The following MACROD2 variants were observed in gnomAD, a reference collection of about 807,000 sequenced individuals.
The protein encoded by MACROD2 is ADP-ribose glycohydrolase MACROD2.
A neutral mutation model predicts 70.4 loss-of-function variants in MACROD2; 36 were observed. That is an observed-to-expected ratio of 0.51 (90% CI 0.39 to 0.68). MACROD2 has a LOEUF of 0.68. MACROD2 is among the 30% of genes least tolerant of loss of function. The pLI, the probability that MACROD2 is intolerant of heterozygous loss-of-function variation, is 0.00. For synonymous variants in MACROD2, 172 were observed against 178.8 expected (o/e 0.96, Z 0.30); for missense variants, 496 against 538.4 (o/e 0.92, Z 0.78).
At chr20:14,442,570 A>G (rs963303156) in intron 3 of MACROD2, among the ~76,000 whole-genome samples, 1 of 152,104 alleles carries the variant, frequency 6.6e-6, no homozygotes, top group Non-Finnish European at 1.5e-5. Flanking sequence ...TTTCTTTTAA[A>G]CTAAAGTCTT....
chr20:14,371,336 A>C (rs1296773549), intron 3 of MACROD2, among the ~76,000 whole-genome samples: 6 of 151,972 alleles, frequency 3.9e-5, no homozygotes, highest in Non-Finnish European at 7.4e-5. Context: ...AATTTTTAAA[A>C]ATTAGCAGGA....
intron 6 of MACROD2, among the ~76,000 whole-genome samples, chr20:15,351,747 C>G (rs1364655778): frequency 1.3e-5 from 2 of 152,294 alleles, no homozygotes; most frequent in East Asian, 3.9e-4. Flanking sequence ...AATGTGCCCA[C>G]AAACATGGCT....
intron 3 of MACROD2, among the ~76,000 whole-genome samples, chr20:14,424,916 C>T (rs1031404296): frequency 2.0e-5 from 3 of 152,082 alleles, no homozygotes; most frequent in African/African-American, 7.2e-5. Flanking sequence ...AAGTAAAGAG[C>T]GTATTTAAAA....
At chr20:15,334,168 A>G (rs4813179) in intron 6 of MACROD2, among the ~76,000 whole-genome samples, 58,419 of 151,200 alleles carry the variant, frequency 0.39, 11,887 homozygotes, top group East Asian at 0.61. Flanking sequence ...TATTTCTAAA[A>G]CTGACTTCTT....
chr20:15,519,064 TTCCTTCC>T (rs1568863386), intron 8 of MACROD2, among the ~76,000 whole-genome samples: 1 of 73,526 alleles, frequency 1.4e-5, no homozygotes, highest in East Asian at 2.8e-4. Flanking sequence ...CTTTCCTTCC[TTCCTTCC>T]TTCCTTCCTT....
intron 5 of MACROD2, among the ~76,000 whole-genome samples, chr20:14,751,934 T>G (rs774509989): frequency 1.3e-5 from 2 of 152,076 alleles, no homozygotes; most frequent in Non-Finnish European, 2.9e-5. Flanking sequence ...ATGAGTACTA[T>G]AGGCTTTTGC....
Position 14,298,831 on chromosome 20 carries a change from T to C in MACROD2, c.272-194648T>C, listed in dbSNP as rs1323538389. ...AAAGTCACTGAAGATATGGTGGAAA[T>C]AGCAGGAGAACTAGAACTAGAAGTG... On this transcript the variant is annotated intron_variant, in intron 3 of 17. Coordinates refer to ENST00000684519, the MANE Select transcript of MACROD2 (RefSeq NM_001351661.2). Among the ~76,000 whole-genome samples the C allele has an allele frequency of 3.3e-5, 5 of 152,214 alleles. No individual in the cohort carries two copies. In the South Asian group the frequency reaches 1.0e-3, roughly 32 times the overall value.
intron 5 of MACROD2, among the ~76,000 whole-genome samples, chr20:14,785,415 A>G (rs552522320): frequency 6.6e-6 from 1 of 152,240 alleles, no homozygotes; most frequent in East Asian, 1.9e-4. Flanking sequence ...GATAACCAGA[A>G]AAAATGTTCC....
Position 15,313,704 on chromosome 20 carries a change from C to T in MACROD2, c.540+83643C>T, listed in dbSNP as rs187938660. Among the ~76,000 whole-genome samples the T allele has an allele frequency of 3.9e-5, 6 of 152,152 alleles. No homozygotes were observed. In the East Asian group the frequency reaches 7.7e-4, roughly 20 times the overall value. On this transcript the variant is annotated intron_variant, in intron 6 of 17. Coordinates refer to ENST00000684519, the MANE Select transcript of MACROD2 (RefSeq NM_001351661.2). ...TTGTTGCTCACTATACTTCTGCCTA[C>T]CACCACCTCTTCCACTGGGTGTAGT...
chr20:14,021,608 C>G (rs2053082161), intron 2 of MACROD2, among the ~76,000 whole-genome samples: 1 of 152,172 alleles, frequency 6.6e-6, no homozygotes, highest in Non-Finnish European at 1.5e-5. Context: ...CTGTGGGGAA[C>G]AAAACCTCAG....
At chr20:14,319,676 T>C (rs1319937044) in intron 3 of MACROD2, among the ~76,000 whole-genome samples, 1 of 152,198 alleles carries the variant, frequency 6.6e-6, no homozygotes, top group East Asian at 1.9e-4. Context: ...CTTCTATGTC[T>C]TTACCCTGAT....
At position 14,756,375 on chromosome 20, in the gene MACROD2, GT is replaced by G. The variant is rs2071940575; in HGVS notation, c.418+71419del. On this transcript the variant is annotated intron_variant, in intron 5 of 17. Transcript: ENST00000684519. Reference sequence around the variant, plus strand: ...TCATCTTATTTTTCTCACAGCATCTGTTTATTGTCTTCATTGCATTTGACAT... The same window carrying G: ...TCATCTTATTTTTCTCACAGCATCTGTTATTGTCTTCATTGCATTTGACAT... Among the ~76,000 whole-genome samples the G allele has an allele frequency of 2.0e-5, 3 of 152,054 alleles. No homozygotes were observed. The South Asian group carries it at 6.2e-4, about 32-fold the overall frequency.
chr20:14,028,226 C>T (rs980753768), intron 2 of MACROD2, among the ~76,000 whole-genome samples: 1 of 152,202 alleles, frequency 6.6e-6, no homozygotes, highest in African/African-American at 2.4e-5. Flanking sequence ...GGGAAAGCTG[C>T]CTCCTCAAGC....
intron 11 of MACROD2, among the ~76,000 whole-genome samples, chr20:15,934,792 T>A (rs1390388902): frequency 6.6e-6 from 1 of 152,056 alleles, no homozygotes; most frequent in African/African-American, 2.4e-5. Context: ...CTGCCTCCTG[T>A]GTTCAAGAGA....
At chr20:15,595,690 T>A (rs1483532276) in intron 8 of MACROD2, among the ~76,000 whole-genome samples, 1 of 152,190 alleles carries the variant, frequency 6.6e-6, no homozygotes, top group African/African-American at 2.4e-5. Flanking sequence ...ATGAATCTAA[T>A]TCTTTAAAAA....
At chr20:14,280,763 C>G (rs756493964) in intron 3 of MACROD2, among the ~76,000 whole-genome samples, 40 of 152,092 alleles carry the variant, frequency 2.6e-4, no homozygotes, top group Non-Finnish European at 5.1e-4. Flanking sequence ...ATCATGACAC[C>G]GACCCTCTTT....
intron 5 of MACROD2, among the ~76,000 whole-genome samples, chr20:14,708,509 C>G (rs1017778842): frequency 1.3e-5 from 2 of 152,160 alleles, no homozygotes; most frequent in African/African-American, 2.4e-5. Context: ...ATGAAAGCAG[C>G]TTGGTTAGGA....
At chr20:15,402,176 T>C (rs2045939404) in intron 6 of MACROD2, among the ~76,000 whole-genome samples, 2 of 152,158 alleles carry the variant, frequency 1.3e-5, no homozygotes, top group South Asian at 4.2e-4. Flanking sequence ...GGGAGATCAA[T>C]TACATTTCCT....
At chr20:15,174,963 T>C (rs1157725957) in intron 5 of MACROD2, among the ~76,000 whole-genome samples, 4 of 151,984 alleles carry the variant, frequency 2.6e-5, no homozygotes, top group East Asian at 3.9e-4. Flanking sequence ...GTTGCCTGTT[T>C]ACTCTGATGG....
Sources: gnomAD v4.1 joint callset for allele counts (sites outside exome capture counted in the v4.1 genomes callset) on GRCh38, gnomAD v4.1.1 for gene constraint, MANE v1.5 for transcripts, NCBI Gene and HGNC (gene_info 2026-07-23, HGNC 2026-07-21) for gene names.